CDH18: variants seen among roughly 807,000 people sequenced by gnomAD.
CDH18 encodes the protein cadherin 18, also known as cadherin-18.
A neutral mutation model predicts 67.9 loss-of-function variants in CDH18; 31 were observed. The observed-to-expected ratio is 0.46, with a 90% CI of 0.34 to 0.62. The LOEUF (loss-of-function observed/expected upper bound fraction) is 0.62, where lower values mean the gene tolerates loss of function less well. Ranked by LOEUF, CDH18 falls within the 20% of genes least tolerant of loss-of-function variation. The probability of loss-of-function intolerance (pLI) is 0.01; values close to 1 mark genes in which losing one functional copy is unlikely to be tolerated. For synonymous variants in CDH18, 362 were observed against 347.2 expected, an observed-to-expected ratio of 1.04 and a Z score of -0.48; for missense variants, 890 against 975.5, an observed-to-expected ratio of 0.91 and a Z score of 1.17.
chr5:19,520,767 A>G lies in CDH18; in HGVS notation c.1402T>C (p.Leu468=), dbSNP rs775655095. Residue 468 remains leucine, a synonymous_variant, in exon 10 of 13, where the codon TTG becomes CTG. Coordinates refer to ENST00000382275, the MANE Select transcript of CDH18 (RefSeq NM_004934.5). The stretch of plus-strand genomic sequence containing the variant: ...ATACCCACTGTGACATGGCTCAGCA[A>G]ATCAGGATTATCTGCAAAATACACA... ...VTASEIDNPD[L]LSHVTVGIRV... 1.2e-6 allele frequency: 2 copies of G among 1,612,888 alleles called. No homozygotes were observed. Among genetic ancestry groups the G allele is most frequent in the South Asian group, 2.2e-5 (2 of 90,860 alleles).
intron 2 of CDH18, among the ~76,000 whole-genome samples, chr5:20,069,406 T>TA (rs1743256393): frequency 1.4e-5 from 1 of 69,458 alleles, no homozygotes; most frequent in South Asian, 7.0e-4. Flanking sequence ...TTTTTTATTA[T>TA]TTTTATTTAT....
intron 2 of CDH18, among the ~76,000 whole-genome samples, chr5:20,113,667 T>C (rs1317261056): frequency 1.3e-5 from 2 of 152,180 alleles, no homozygotes; most frequent in Non-Finnish European, 2.9e-5. Context: ...ATAAGGTCAA[T>C]GAGAACGTTT....
At chr5:20,195,573 A>G (rs1738908924) in intron 2 of CDH18, among the ~76,000 whole-genome samples, 1 of 152,192 alleles carries the variant, frequency 6.6e-6, no homozygotes, top group African/African-American at 2.4e-5. Context: ...ATTCATTGGT[A>G]TATCTATGAT....
At chr5:20,486,905 T>C (rs1281564628) in intron 1 of CDH18, among the ~76,000 whole-genome samples, 1 of 152,112 alleles carries the variant, frequency 6.6e-6, no homozygotes. Flanking sequence ...TTTTTGTTGC[T>C]GGGATGTCTC....
intron 2 of CDH18, chr5:20,158,512 C>T (rs181720792): frequency 6.6e-6 from 1 of 152,050 alleles, no homozygotes; most frequent in Non-Finnish European, 1.5e-5. Context: ...ATTTAATAAT[C>T]GTGGCTGAAT....
At chr5:20,031,223 A>G (rs1213801573) in intron 2 of CDH18, among the ~76,000 whole-genome samples, 1 of 152,114 alleles carries the variant, frequency 6.6e-6, no homozygotes, top group Non-Finnish European at 1.5e-5. Context: ...CTCTGAAAAA[A>G]GGTGGCTACG....
chr5:19,508,220 T>A (rs1340057549), intron 10 of CDH18, among the ~76,000 whole-genome samples: 2 of 152,112 alleles, frequency 1.3e-5, no homozygotes, highest in Non-Finnish European at 2.9e-5. Flanking sequence ...ATTGTTACCT[T>A]AGACTTTCTT....
At chr5:19,728,918 G>A (rs1767221168) in intron 4 of CDH18, among the ~76,000 whole-genome samples, 1 of 152,080 alleles carries the variant, frequency 6.6e-6, no homozygotes, top group Non-Finnish European at 1.5e-5. Flanking sequence ...CAGGAGAACT[G>A]TAATTTCACC....
intron 1 of CDH18, among the ~76,000 whole-genome samples, chr5:20,518,829 AT>A (rs1403420821): frequency 1.3e-5 from 2 of 152,172 alleles, no homozygotes; most frequent in Non-Finnish European, 2.9e-5. Flanking sequence ...TGTTAACACA[AT>A]TCATTTATCA....
intron 6 of CDH18, among the ~76,000 whole-genome samples, chr5:19,600,857 G>T (rs964599426): frequency 1.3e-5 from 2 of 152,010 alleles, no homozygotes; most frequent in African/African-American, 4.8e-5. Flanking sequence ...AACAAAGATG[G>T]GACTTACATT....
At chr5:20,177,812 A>C (rs1737359728) in intron 2 of CDH18, among the ~76,000 whole-genome samples, 1 of 152,046 alleles carries the variant, frequency 6.6e-6, no homozygotes, top group South Asian at 2.1e-4. Context: ...GGTTTGACAA[A>C]GGGAAACCCA....
intron 1 of CDH18, among the ~76,000 whole-genome samples, chr5:20,329,026 A>G (rs1738902696): frequency 6.6e-6 from 1 of 152,240 alleles, no homozygotes; most frequent in African/African-American, 2.4e-5. Context: ...ATTAAAAATA[A>G]ACAATATTAG....
chr5:19,881,939 AT>A (rs1347847179), intron 2 of CDH18, among the ~76,000 whole-genome samples: 1 of 152,072 alleles, frequency 6.6e-6, no homozygotes, highest in East Asian at 1.9e-4. Flanking sequence ...AGGGGAACAA[AT>A]TTTTGGTATT....
chr5:20,172,023 G>C (rs1736756823), intron 2 of CDH18, among the ~76,000 whole-genome samples: 1 of 150,022 alleles, frequency 6.7e-6, no homozygotes. Context: ...TCAAAGGTCA[G>C]TTGGTTTAGG....
chr5:20,482,509 A>C (rs1752883112), intron 1 of CDH18, among the ~76,000 whole-genome samples: 1 of 152,132 alleles, frequency 6.6e-6, no homozygotes, highest in African/African-American at 2.4e-5. Context: ...CTGAAGGTAT[A>C]TACAAAAATC....
At chr5:20,113,403 A>G (rs1331629859) in intron 2 of CDH18, among the ~76,000 whole-genome samples, 1 of 152,194 alleles carries the variant, frequency 6.6e-6, no homozygotes, top group East Asian at 1.9e-4. Context: ...AAAGCATTTT[A>G]TATTCAATAC....
chr5:19,898,586 G>C (rs1410041815), intron 2 of CDH18, among the ~76,000 whole-genome samples: 1 of 151,792 alleles, frequency 6.6e-6, no homozygotes. Flanking sequence ...AATATGGAGT[G>C]AGTAAAAATC....
At chr5:19,795,439 T>C (rs897259883) in intron 3 of CDH18, among the ~76,000 whole-genome samples, 1 of 152,128 alleles carries the variant, frequency 6.6e-6, no homozygotes, top group African/African-American at 2.4e-5. Flanking sequence ...ATCCACAGAA[T>C]GGTCTAAGGG....
Position 20,040,153 on chromosome 5 carries a change from C to T in CDH18, c.-517-48139G>A, listed in dbSNP as rs554148221. On this transcript the variant is annotated intron_variant, in intron 2 of 14. Coordinates refer to the CDH18 transcript ENST00000507958. ...TGTAAATCAAATCCACAAAGAAATA[C>T]TGTCTCATGCTAGTTAGAATGGCAA... 3.9e-5 allele frequency among the ~76,000 whole-genome samples: 6 copies of T among 152,216 alleles called. No individual in the cohort carries two copies. In the East Asian group the frequency reaches 1.2e-3, roughly 29 times the overall value.
Sources: gnomAD v4.1 joint callset for allele counts (sites outside exome capture counted in the v4.1 genomes callset) on GRCh38, gnomAD v4.1.1 for gene constraint, MANE v1.5 for transcripts, NCBI Gene and HGNC (gene_info 2026-07-23, HGNC 2026-07-21) for gene names.